The following PRODH2 variants were observed in gnomAD, a reference collection of about 807,000 sequenced individuals.
PRODH2 encodes proline dehydrogenase 2, also known as hydroxyproline dehydrogenase.
PRODH2 carries 49 observed loss-of-function variants against 51.9 expected under a neutral mutation model. That is an observed-to-expected ratio of 0.94 (90% CI 0.75 to 1.20). The LOEUF is 1.20. Ranked by LOEUF, PRODH2 falls within the 50% of genes most tolerant of loss-of-function variation. PRODH2 has a pLI of 0.00. For synonymous variants in PRODH2, 249 were observed against 260.7 expected (o/e 0.96, Z 0.43); for missense variants, 597 against 610.9 (o/e 0.98, Z 0.24).
intron 4 of PRODH2, among the ~76,000 whole-genome samples, chr19:35,809,723 G>A (rs1972570589): frequency 6.6e-6 from 1 of 152,022 alleles, no homozygotes; most frequent in Non-Finnish European, 1.5e-5. Flanking sequence ...CACTTTGGGA[G>A]GCCGAGGCAC....
At chr19:35,810,413 C>T (rs1317520859) in intron 4 of PRODH2, among the ~76,000 whole-genome samples, 1 of 151,896 alleles carries the variant, frequency 6.6e-6, no homozygotes, top group African/African-American at 2.4e-5. Flanking sequence ...GGGTTCACCC[C>T]AGGAGAGGTA....
chr19:35,801,323 G>A (rs1364790468), intron 9 of PRODH2, among the ~76,000 whole-genome samples: 1 of 152,062 alleles, frequency 6.6e-6, no homozygotes, highest in African/African-American at 2.4e-5. Flanking sequence ...AAAATTAGCT[G>A]GGCGTGGTGG....
intron 4 of PRODH2, among the ~76,000 whole-genome samples, chr19:35,810,816 C>T (rs746905026): frequency 1.2e-4 from 19 of 152,118 alleles, no homozygotes; most frequent in Non-Finnish European, 1.0e-4. Context: ...CCACTGCCCC[C>T]GGCCATGTTC....
chr19:35,801,954 G>T, intron 9 of PRODH2: 1 of 522,768 alleles, frequency 1.9e-6, no homozygotes, highest in Non-Finnish European at 3.4e-6. Flanking sequence ...AGGCCCTGAG[G>T]AGCAGCACAG....
intron 4 of PRODH2, among the ~76,000 whole-genome samples, chr19:35,809,341 C>A (rs773108603): frequency 6.6e-6 from 1 of 152,110 alleles, no homozygotes; most frequent in Non-Finnish European, 1.5e-5. Context: ...AGCGACCCTC[C>A]TGCCTTAGCC....
chr19:35,811,903 T>C, intron 4 of PRODH2, 59 bp downstream of exon 4: 2 of 1,514,106 alleles, frequency 1.3e-6, no homozygotes, highest in East Asian at 2.3e-5. Flanking sequence ...TGGCGTGCGG[T>C]GTGGCCGCAT....
rs773238032 is a variant in PRODH2 at position 35,812,428 on chromosome 19, C to T, written c.303G>A (p.Arg101=). 11 of 1,614,254 alleles carry T rather than the reference C, an allele frequency of 6.8e-6. No individual in the cohort carries two copies. The highest frequency in any genetic ancestry group is 1.7e-5 in the Admixed American group (1 of 60,038). ...EEVKGCVQQL[R]TLSLRPLLAV... is the part of the protein sequence containing the mutation. ...CCAGCAGTGGTCGGAGGCTGAGGGT[C>T]CGCAGCTGCTGCACGCAGCCCTTCA... The change falls in exon 2 of 10, where the codon CGG becomes CGA. Residue 101 remains arginine (R), a synonymous_variant. Transcript: ENST00000653904.
chr19:35,805,479 C>T (rs1182483800), intron 7 of PRODH2, among the ~76,000 whole-genome samples: 2 of 152,210 alleles, frequency 1.3e-5, no homozygotes, highest in African/African-American at 2.4e-5. Context: ...GTTTGTCAGG[C>T]TGGTCTCAAA....
Position 35,808,370 on chromosome 19 carries a change from C to T in PRODH2, c.598-1249G>A, listed in dbSNP as rs139622728. 1.6e-3 allele frequency among the ~76,000 whole-genome samples: 246 copies of T among 152,272 alleles called. 1 individual carries two copies. Among genetic ancestry groups the T allele is most frequent in the African/African-American group, 4.9e-3 (204 of 41,554 alleles). The stretch of plus-strand genomic sequence containing the variant: ...TTTATTATATCCAACAGGGTCGATA[C>T]AGATGACATAGGCCTGGGCTTGCTC... On this transcript the variant is annotated intron_variant, in intron 4 of 9. Coordinates refer to ENST00000653904, the MANE Select transcript of PRODH2 (RefSeq NM_021232.2).
At chr19:35,808,926 C>T (rs1011845894) in intron 4 of PRODH2, among the ~76,000 whole-genome samples, 2 of 151,332 alleles carry the variant, frequency 1.3e-5, no homozygotes, top group African/African-American at 4.9e-5. Flanking sequence ...GCTACAGGCA[C>T]GTGCCACCAC....
chr19:35,805,031 C>G (rs1052785922), intron 7 of PRODH2, among the ~76,000 whole-genome samples: 1 of 152,060 alleles, frequency 6.6e-6, no homozygotes, highest in Non-Finnish European at 1.5e-5. Flanking sequence ...GGCAAATCCA[C>G]AGAGACAAAA....
chr19:35,808,247 C>A (rs1972544508), intron 4 of PRODH2, among the ~76,000 whole-genome samples: 1 of 152,196 alleles, frequency 6.6e-6, no homozygotes, highest in Non-Finnish European at 1.5e-5. Context: ...TATGCAGATT[C>A]ATCTGGCTGA....
chr19:35,806,831 C>T lies in PRODH2; in HGVS notation c.679-1G>A, dbSNP rs1972522131. ...GCCGCACGTGCTGGGCCCGGGCATA[C>T]TGATGGCGACAGAGACGACGGTCAG... On this transcript the variant is annotated splice_acceptor_variant, in intron 5 of 9. Coordinates refer to ENST00000653904, the MANE Select transcript of PRODH2 (RefSeq NM_021232.2). LOFTEE classifies it high-confidence loss of function. 1.9e-6 allele frequency: 3 copies of T among 1,599,434 alleles called. No individual in the cohort carries two copies. The highest frequency in any genetic ancestry group is 2.3e-5 in the East Asian group (1 of 43,890).
chr19:35,812,089 T>A (rs372708325), intron 3 of PRODH2, 41 bp from the exon 4 acceptor site: 2 of 1,613,738 alleles, frequency 1.2e-6, no homozygotes, highest in South Asian at 2.2e-5. Context: ...GGGAGCCCGA[T>A]GGGCAGCCGC....
intron 4 of PRODH2, among the ~76,000 whole-genome samples, chr19:35,807,682 G>C (rs1436964380): frequency 7.2e-5 from 11 of 152,206 alleles, no homozygotes; most frequent in South Asian, 2.1e-4. Flanking sequence ...TCAAGTATTT[G>C]CTCTAATGTC....
At chr19:35,807,283 A>G (rs1972529497) in intron 4 of PRODH2, among the ~76,000 whole-genome samples, 162 bp from the exon 5 acceptor site, 1 of 152,122 alleles carries the variant, frequency 6.6e-6, no homozygotes, top group African/African-American at 2.4e-5. Context: ...CAAGTTATGT[A>G]ACCTTTCTGG....
rs532666601 is a variant in PRODH2 at position 35,806,117 on chromosome 19, G to A, written c.1001+313C>T. 4.0e-5 allele frequency among the ~76,000 whole-genome samples: 6 copies of A among 149,836 alleles called. No homozygotes were observed. The East Asian group carries it at 9.8e-4, about 24-fold the overall frequency. ...TTTGTTTGTTTTGAGACAGATTCTC[G>A]CTCTGCTGCCCAGGCTGAAGTGCAG... On this transcript the variant is annotated intron_variant, in intron 7 of 9. Coordinates refer to ENST00000653904, the MANE Select transcript of PRODH2 (RefSeq NM_021232.2).
intron 4 of PRODH2, among the ~76,000 whole-genome samples, chr19:35,807,621 AC>A (rs1477331970): frequency 6.6e-6 from 1 of 152,010 alleles, no homozygotes; most frequent in Non-Finnish European, 1.5e-5. Context: ...TACTCTTTGA[AC>A]ACGAGGGCAC....
In PRODH2 at chr19:35,806,448, T is replaced by C. The variant is rs1298066817; in HGVS notation, c.983A>G (p.Tyr328Cys). The C allele has an allele frequency of 1.2e-6, 2 of 1,614,010 alleles. No homozygotes were observed. Among genetic ancestry groups the C allele is most frequent in the African/African-American group, 1.3e-5 (1 of 74,984 alleles). ...GGCCTACCTCTGACTGGTGGCCTCATAGTCAGGCTGAGTGGGGTCTTCCAT... is the reference window on the plus strand; with the variant it reads ...GGCCTACCTCTGACTGGTGGCCTCACAGTCAGGCTGAGTGGGGTCTTCCAT... ...HGMEDPTQPD[Y>C]EATSQSYSRC... Residue 328 changes from tyrosine (Y) to cysteine (C), a missense_variant, in exon 7 of 10, where the codon TAT (tyrosine) becomes TGT (cysteine). Transcript: ENST00000653904.
Sources: allele counts gnomAD v4.1 joint callset (sites outside exome capture counted in the v4.1 genomes callset), GRCh38; gene constraint gnomAD v4.1.1; transcripts MANE v1.5; gene names NCBI Gene and HGNC (gene_info 2026-07-23, HGNC 2026-07-21).